The following KMT2C variants were observed in gnomAD, a reference collection of about 807,000 sequenced individuals.
KMT2C encodes the protein lysine methyltransferase 2C, also known as histone-lysine N-methyltransferase 2C.
A neutral mutation model predicts 507.9 loss-of-function variants in KMT2C; 88 were observed. That is an observed-to-expected ratio of 0.17 (90% CI 0.15 to 0.21). The LOEUF is 0.21. Among genes scored for constraint, KMT2C ranks in the 10% least tolerant of loss-of-function variants. KMT2C has a pLI of 1.00. For synonymous variants in KMT2C, 2,049 were observed against 2,080.8 expected, an observed-to-expected ratio of 0.98 and a Z score of 0.42; for missense variants, 4,954 against 5,957.8, an observed-to-expected ratio of 0.83 and a Z score of 5.55.
intron 11 of KMT2C, among the ~76,000 whole-genome samples, chr7:152,251,633 GAACA>G: frequency 6.6e-6 from 1 of 152,104 alleles, no homozygotes; most frequent in East Asian, 1.9e-4. Flanking sequence ...ACATTATAAA[GAACA>G]AACTAAGCAA....
chr7:152,252,689 G>A lies in KMT2C; in HGVS notation c.1326C>T (p.Gly442=). 6.2e-7 allele frequency: 1 copy of A among 1,612,762 alleles called. No individual in the cohort carries two copies. The highest frequency in any genetic ancestry group is 8.5e-7 in the Non-Finnish European group (1 of 1,179,168). ...GGTGCCACTGAGAACTAGACCGTGTGCCACACTCTATACATATTCTGCAAT... is the reference window on the plus strand; with the variant it reads ...GGTGCCACTGAGAACTAGACCGTGTACCACACTCTATACATATTCTGCAAT... ...CKNCRICIEC[G]TRSSSQWHHN... Residue 442 remains glycine, a synonymous_variant, in exon 10 of 59, where the codon GGC becomes GGT. Transcript: ENST00000262189.
chr7:152,231,017 A>G (rs909792955), intron 16 of KMT2C, among the ~76,000 whole-genome samples: 15 of 152,152 alleles, frequency 9.9e-5, no homozygotes, highest in African/African-American at 3.6e-4. Flanking sequence ...GGGTTTCACC[A>G]TATTGGTCAG....
chr7:152,353,899 T>TA (rs1162628950), intron 2 of KMT2C, among the ~76,000 whole-genome samples: 1 of 152,206 alleles, frequency 6.6e-6, no homozygotes, highest in Non-Finnish European at 1.5e-5. Context: ...TCTTGAGACA[T>TA]ACATATGTTA....
intron 14 of KMT2C, among the ~76,000 whole-genome samples, chr7:152,240,637 C>T (rs1315807968): frequency 6.6e-6 from 1 of 152,286 alleles, no homozygotes; most frequent in Admixed American, 6.5e-5. Flanking sequence ...AAATTTCTCC[C>T]TTAACCGGTT....
chr7:152,279,597 C>CAGTT (rs1300366544), intron 6 of KMT2C, among the ~76,000 whole-genome samples: 1 of 152,180 alleles, frequency 6.6e-6, no homozygotes. Context: ...AAGTAATGAA[C>CAGTT]AGTTCATTGA....
At chr7:152,315,106 CT>C (rs780971890) in intron 4 of KMT2C, 31 bp downstream of exon 4, 6 of 1,534,844 alleles carry the variant, frequency 3.9e-6, no homozygotes, top group Non-Finnish European at 5.4e-6. Flanking sequence ...CAGTCTTAAT[CT>C]ATTCCAACAT....
chr7:152,317,371 G>A (rs985145346), intron 3 of KMT2C, among the ~76,000 whole-genome samples: 2 of 152,094 alleles, frequency 1.3e-5, no homozygotes, highest in Non-Finnish European at 2.9e-5. Context: ...TCTGGCTGTA[G>A]AAAGCTGCAA....
chr7:152,269,158 A>T (rs998394769), intron 7 of KMT2C, among the ~76,000 whole-genome samples: 2 of 152,240 alleles, frequency 1.3e-5, no homozygotes, highest in African/African-American at 4.8e-5. Context: ...GACAACTGTC[A>T]TTGTCACAAA....
intron 39 of KMT2C, among the ~76,000 whole-genome samples, chr7:152,173,246 C>T (rs73161888): frequency 0.068 from 10,310 of 152,186 alleles, 514 homozygotes; most frequent in East Asian, 0.14. Context: ...ATCTTAAATT[C>T]GTGCAAATTT....
intron 3 of KMT2C, among the ~76,000 whole-genome samples, chr7:152,319,741 C>A (rs1000159262): frequency 6.6e-6 from 1 of 152,156 alleles, no homozygotes; most frequent in Non-Finnish European, 1.5e-5. Flanking sequence ...ACAGCTGGCT[C>A]TGCCTTTTAG....
intron 35 of KMT2C, among the ~76,000 whole-genome samples, 160 bp from the exon 36 acceptor site, chr7:152,182,754 CATGGT>C (rs1480547959): frequency 2.0e-5 from 3 of 152,130 alleles, no homozygotes; most frequent in African/African-American, 7.2e-5. Flanking sequence ...AATTACTCAT[CATGGT>C]ATGTTCCATT....
intron 1 of KMT2C, among the ~76,000 whole-genome samples, chr7:152,428,190 G>C (rs556229911): frequency 6.6e-6 from 1 of 152,126 alleles, no homozygotes; most frequent in East Asian, 1.9e-4. Context: ...TAAAATAACT[G>C]GGCATAAAGC....
chr7:152,249,834 T>C lies in KMT2C; in HGVS notation c.1813+42A>G, dbSNP rs754459548. ...ATGTCTTTGGGATAAAGACATTATCTTGTAACTCAATCAAATTAGACAATA... is the reference window on the plus strand; with the variant it reads ...ATGTCTTTGGGATAAAGACATTATCCTGTAACTCAATCAAATTAGACAATA... On this transcript the variant is annotated intron_variant, in intron 13 of 58. Coordinates refer to ENST00000262189, the MANE Select transcript of KMT2C (RefSeq NM_170606.3). The C allele has an allele frequency of 4.1e-6, 5 of 1,225,636 alleles. No homozygotes were observed. The Admixed American group carries it at 8.5e-5, about 21-fold the overall frequency. 75.9% of individuals were successfully genotyped at this position (1,225,636 alleles called of 1,614,324 possible). A position where few individuals can be genotyped will look rare whatever the true frequency, so the allele number is the denominator to read the frequency against.
chr7:152,350,000 G>C lies in KMT2C; in HGVS notation c.250+8587C>G, dbSNP rs550924665. On this transcript the variant is annotated intron_variant, in intron 2 of 58. Transcript: ENST00000262189. ...GGTGCAGTGGTTCATGCCTATAATC[G>C]CAACACTTTGGGAAGCTGAGGTGGG... Among the ~76,000 whole-genome samples, 5 of 152,102 alleles carry C rather than the reference G, an allele frequency of 3.3e-5. No individual in the cohort carries two copies. In the South Asian group the frequency reaches 8.3e-4, roughly 25 times the overall value.
chr7:152,301,157 A>G (rs1007734037), intron 6 of KMT2C, among the ~76,000 whole-genome samples: 5 of 151,614 alleles, frequency 3.3e-5, no homozygotes, highest in African/African-American at 1.2e-4. Flanking sequence ...GGGCCCAGGA[A>G]TTGAGACCAA....
chr7:152,307,248 A>AGGAAGGAAGGAAGGAAGGAAGGAC (rs1253285455), intron 6 of KMT2C, among the ~76,000 whole-genome samples: 87 of 117,024 alleles, frequency 7.4e-4, no homozygotes, highest in South Asian at 1.1e-3. Flanking sequence ...GAAGGAAGGA[A>AGGAAGGAAGGAAGGAAGGAAGGAC]GGACGGTAGG....
At position 152,424,511 on chromosome 7, in the gene KMT2C, C is replaced by G. The variant is rs2097798653; in HGVS notation, c.161+11115G>C. Among the ~76,000 whole-genome samples, 3 of 152,218 alleles carry G rather than the reference C, an allele frequency of 2.0e-5. No individual in the cohort carries two copies. In the South Asian group the frequency reaches 6.2e-4, roughly 32 times the overall value. On this transcript the variant is annotated intron_variant, in intron 1 of 58. Coordinates refer to ENST00000262189, the MANE Select transcript of KMT2C (RefSeq NM_170606.3). ...GATAATGGTTCACTGCAGCCTCACC[C>G]TCCTGGGCTTGACCAATCCTCCCAC...
chr7:152,424,360 T>C (rs10952352), intron 1 of KMT2C, among the ~76,000 whole-genome samples: 7,630 of 152,292 alleles, frequency 0.05, 319 homozygotes, highest in African/African-American at 0.11. Context: ...ACCAGCATTT[T>C]ACTTATTTAT....
chr7:152,203,112 G>A (rs2129135830), intron 25 of KMT2C, 48 bp from the exon 26 acceptor site: 5 of 1,508,298 alleles, frequency 3.3e-6, no homozygotes, highest in East Asian at 4.7e-5. Context: ...AAAATTTCTA[G>A]ACAAACCCAC....
Sources: allele counts gnomAD v4.1 joint callset (sites outside exome capture counted in the v4.1 genomes callset), GRCh38; gene constraint gnomAD v4.1.1; transcripts MANE v1.5; gene names NCBI Gene and HGNC (gene_info 2026-07-23, HGNC 2026-07-21).